FBXL2: variants seen among roughly 807,000 people sequenced by gnomAD.
FBXL2 encodes the protein F-box and leucine rich repeat protein 2, also known as F-box/LRR-repeat protein 2.
FBXL2 carries 38 observed loss-of-function variants against 69.2 expected under a neutral mutation model. That is an observed-to-expected ratio of 0.55 (90% CI 0.42 to 0.72). The LOEUF (loss-of-function observed/expected upper bound fraction) is 0.72. Among genes scored for constraint, FBXL2 ranks in the 30% least tolerant of loss-of-function variants. The pLI is 0.00. For synonymous variants in FBXL2, 192 were observed against 201.3 expected (o/e 0.95, Z 0.39); for missense variants, 354 against 520.3 (o/e 0.68, Z 3.11).
chr3:33,385,392 A>G, intron 14 of FBXL2, 109 bp from the exon 15 acceptor site: 1 of 989,420 alleles, frequency 1.0e-6, no homozygotes, highest in Non-Finnish European at 1.6e-6. Flanking sequence ...ATTCTACTTC[A>G]ACTAAGGTGA....
intron 12 of FBXL2, chr3:33,402,752 C>T (rs2044276675): frequency 2.3e-6 from 3 of 1,325,986 alleles, no homozygotes; most frequent in Non-Finnish European, 3.0e-6. Flanking sequence ...GAAATGAAGG[C>T]ACATGAGCAT....
chr3:33,336,459 T>G (rs1425223585), intron 2 of FBXL2, among the ~76,000 whole-genome samples: 1 of 152,278 alleles, frequency 6.6e-6, no homozygotes, highest in African/African-American at 2.4e-5. Flanking sequence ...TTCATAGATA[T>G]AAATGTGAAA....
At position 33,375,014 on chromosome 3, in the gene FBXL2, A is replaced by T. The variant is rs544220105; in HGVS notation, c.658-274A>T. Among the ~76,000 whole-genome samples, 3 of 152,304 alleles carry T rather than the reference A, an allele frequency of 2.0e-5. No homozygotes were observed. The East Asian group carries it at 5.8e-4, about 29-fold the overall frequency. On this transcript the variant is annotated intron_variant, in intron 9 of 14. Transcript: ENST00000484457. ...TTGATGACTAGTGAGGGAGAAATGG[A>T]ATTTTAAACTTTTATTCTCCATTTA...
intron 12 of FBXL2, among the ~76,000 whole-genome samples, chr3:33,398,788 C>T (rs1192818335): frequency 6.6e-6 from 1 of 152,230 alleles, no homozygotes; most frequent in Non-Finnish European, 1.5e-5. Flanking sequence ...CCTTCAGTTC[C>T]AAATGTCGGC....
At chr3:33,379,547 G>A (rs2042881349) in intron 13 of FBXL2, among the ~76,000 whole-genome samples, 1 of 150,668 alleles carries the variant, frequency 6.6e-6, no homozygotes, top group Non-Finnish European at 1.5e-5. Context: ...TAGAGACGGG[G>A]TTTCACCATG....
intron 12 of FBXL2, chr3:33,400,378 C>T: frequency 2.1e-6 from 2 of 933,602 alleles, no homozygotes; most frequent in South Asian, 1.8e-5. Context: ...AAGTAAAAAA[C>T]ACCCAAAAAG....
chr3:33,414,520 T>G, the FBXL2 span, among the ~76,000 whole-genome samples: 1 of 152,148 alleles, frequency 6.6e-6, no homozygotes, highest in Non-Finnish European at 1.5e-5. Context: ...CCAAAGCACC[T>G]TCGCAAACCT....
intron 12 of FBXL2, among the ~76,000 whole-genome samples, chr3:33,378,474 G>T (rs998524962): frequency 6.6e-6 from 1 of 152,174 alleles, no homozygotes; most frequent in African/African-American, 2.4e-5. Context: ...AGCCTCCTTG[G>T]GGTACCAGAA....
At chr3:33,351,271 A>T (rs541580463) in intron 2 of FBXL2, among the ~76,000 whole-genome samples, 1 of 152,208 alleles carries the variant, frequency 6.6e-6, no homozygotes, top group Non-Finnish European at 1.5e-5. Flanking sequence ...TCTCAAAAAA[A>T]TAAAATAAAT....
chr3:33,417,499 T>G, the FBXL2 span, among the ~76,000 whole-genome samples: 5 of 152,246 alleles, frequency 3.3e-5, no homozygotes, highest in African/African-American at 9.6e-5. Flanking sequence ...TTCCTTTTTA[T>G]TGCCTAATAC....
At chr3:33,355,451 T>G (rs898508251) in intron 2 of FBXL2, among the ~76,000 whole-genome samples, 1 of 152,206 alleles carries the variant, frequency 6.6e-6, no homozygotes, top group African/African-American at 2.4e-5. Context: ...CCAGTAAAAA[T>G]TTCAGAAAGT....
At chr3:33,326,621 G>C (rs553591986) in intron 2 of FBXL2, among the ~76,000 whole-genome samples, 1 of 151,884 alleles carries the variant, frequency 6.6e-6, no homozygotes, top group Admixed American at 6.6e-5. Flanking sequence ...TTTGCTTAAA[G>C]AACACATCAA....
At chr3:33,289,878 C>T in intron 1 of FBXL2, 1 of 765,778 alleles carries the variant, frequency 1.3e-6, no homozygotes, top group Non-Finnish European at 1.6e-6. Flanking sequence ...TTTATGAAAT[C>T]TAAGCCTGGG....
At chr3:33,412,118 C>T in the FBXL2 span, among the ~76,000 whole-genome samples, 1 of 144,600 alleles carries the variant, frequency 6.9e-6, no homozygotes, top group Non-Finnish European at 1.5e-5. Flanking sequence ...ACCCAGGAGG[C>T]GGAGGTTGCA....
At chr3:33,394,263 C>T (rs1409207374) in intron 12 of FBXL2, among the ~76,000 whole-genome samples, 1 of 151,224 alleles carries the variant, frequency 6.6e-6, no homozygotes, top group Non-Finnish European at 1.5e-5. Flanking sequence ...CCCAAGCTGT[C>T]TCAAACTCCT....
chr3:33,341,239 ACAGAGGC>A (rs1242711057), intron 2 of FBXL2, among the ~76,000 whole-genome samples: 1 of 152,222 alleles, frequency 6.6e-6, no homozygotes, highest in Non-Finnish European at 1.5e-5. Flanking sequence ...TGTAGAAAAT[ACAGAGGC>A]CAGAGGAATA....
At chr3:33,371,076 G>A (rs942727847) in intron 5 of FBXL2, among the ~76,000 whole-genome samples, 5 of 151,326 alleles carry the variant, frequency 3.3e-5, no homozygotes, top group African/African-American at 1.2e-4. Flanking sequence ...CTATTGCTAT[G>A]TCTTCAAGTT....
chr3:33,411,586 T>C, the FBXL2 span: 1 of 1,614,034 alleles, frequency 6.2e-7, no homozygotes, highest in Non-Finnish European at 8.5e-7. Context: ...CAAACCTGAA[T>C]GAAAGCAGAG....
At chr3:33,300,179 G>A (rs1461389517) in intron 2 of FBXL2, among the ~76,000 whole-genome samples, 1 of 152,096 alleles carries the variant, frequency 6.6e-6, no homozygotes, top group African/African-American at 2.4e-5. Context: ...TGTGACTCAA[G>A]GCTACTAACT....
Sources: gnomAD v4.1 joint callset for allele counts (sites outside exome capture counted in the v4.1 genomes callset) on GRCh38, gnomAD v4.1.1 for gene constraint, MANE v1.5 for transcripts, NCBI Gene and HGNC (gene_info 2026-07-23, HGNC 2026-07-21) for gene names.